C8B: variants seen among roughly 807,000 people sequenced by gnomAD.
C8B encodes complement component C8 beta chain.
A neutral mutation model predicts 64.6 loss-of-function variants in C8B; 67 were observed. That is an observed-to-expected ratio of 1.04 (90% CI 0.85 to 1.27). The LOEUF is 1.27. C8B is among the 50% of genes most tolerant of loss of function. The pLI, the probability that C8B is intolerant of heterozygous loss-of-function variation, is 0.00. For synonymous variants in C8B, 284 were observed against 257.7 expected (o/e 1.10, Z -0.98); for missense variants, 790 against 725.2 (o/e 1.09, Z -1.03).
At chr1:56,959,465 G>T in intron 2 of C8B, 3 of 989,786 alleles carry the variant, frequency 3.0e-6, no homozygotes, top group South Asian at 1.4e-5. Flanking sequence ...GGCAGCTCCT[G>T]AGTAGGAGTT....
chr1:56,937,011 C>A (rs1644785438), intron 9 of C8B, among the ~76,000 whole-genome samples: 1 of 152,172 alleles, frequency 6.6e-6, no homozygotes, highest in Non-Finnish European at 1.5e-5. Flanking sequence ...ACTCCCTGGA[C>A]CAGAGTAATT....
intron 11 of C8B, 28 bp downstream of exon 11, chr1:56,931,782 C>T (rs1461523908): frequency 1.3e-6 from 2 of 1,521,624 alleles, no homozygotes; most frequent in African/African-American, 1.4e-5. Context: ...TCTGGACCTC[C>T]CCAGAGTTCC....
chr1:56,948,831 T>C (rs1305918090), intron 6 of C8B, among the ~76,000 whole-genome samples: 1 of 152,186 alleles, frequency 6.6e-6, no homozygotes, highest in Non-Finnish European at 1.5e-5. Context: ...GAATTTCAGC[T>C]GGATGTCTGG....
chr1:56,949,443 G>A lies in C8B; in HGVS notation c.864+112C>T, dbSNP rs1644988295. On this transcript the variant is annotated intron_variant, in intron 6 of 11. Transcript: ENST00000371237. Reference sequence around the variant, plus strand: ...GACTTCCCAGCCTCCAGAACTGTGAGCCAAGTAAATGTCTTTTCTTTATAA... The same window carrying A: ...GACTTCCCAGCCTCCAGAACTGTGAACCAAGTAAATGTCTTTTCTTTATAA... The A allele has an allele frequency of 3.9e-6, 4 of 1,036,710 alleles. No homozygotes were observed. The African/African-American group carries it at 4.8e-5, about 12-fold the overall frequency. 64.2% of individuals were successfully genotyped at this position (1,036,710 alleles called of 1,614,324 possible). A position where few individuals can be genotyped will look rare whatever the true frequency, so the allele number is the denominator to read the frequency against.
At chr1:56,938,453 T>C (rs781430240) in intron 9 of C8B, among the ~76,000 whole-genome samples, 8 of 152,254 alleles carry the variant, frequency 5.3e-5, no homozygotes. Context: ...CCTTGAATTG[T>C]ATGATAATCA....
At chr1:56,938,975 C>T (rs1026455023) in intron 9 of C8B, among the ~76,000 whole-genome samples, 4 of 152,212 alleles carry the variant, frequency 2.6e-5, no homozygotes, top group African/African-American at 4.8e-5. Context: ...GTGTGAAAGC[C>T]GTCAACACTC....
At position 56,956,844 on chromosome 1, in the gene C8B, C is replaced by G; in HGVS notation, c.316G>C (p.Glu106Gln). 6.2e-7 allele frequency: 1 copy of G among 1,614,100 alleles called. No homozygotes were observed. The highest frequency in any genetic ancestry group is 8.5e-7 in the Non-Finnish European group (1 of 1,179,992). ...CTGTTGGTAACACAGTCTTCGACTT[C>G]CTTGTCAGAGAAGTTGCACGGTTCC... ...HGEPCNFSDK[E>Q]VEDCVTNRPC... Residue 106 changes from glutamate to glutamine, a missense_variant, in exon 3 of 12, where the codon GAA becomes CAA. Coordinates refer to ENST00000371237, the MANE Select transcript of C8B (RefSeq NM_000066.4).
chr1:56,942,953 G>A (rs906174081), intron 8 of C8B, among the ~76,000 whole-genome samples: 33 of 151,360 alleles, frequency 2.2e-4, no homozygotes, highest in African/African-American at 6.3e-4. Flanking sequence ...ATAATTAGCC[G>A]AGCATGGTGG....
At chr1:56,933,950 G>A (rs559568834) in intron 9 of C8B, among the ~76,000 whole-genome samples, 118 of 152,170 alleles carry the variant, frequency 7.8e-4, no homozygotes, top group African/African-American at 2.6e-3. Context: ...TAGGGGTACT[G>A]TCCCAACATC....
At chr1:56,953,524 G>A (rs1390017079) in intron 4 of C8B, among the ~76,000 whole-genome samples, 2 of 152,112 alleles carry the variant, frequency 1.3e-5, no homozygotes, top group East Asian at 1.9e-4. Context: ...CTCCCTGCCG[G>A]GAACAATGGG....
At chr1:56,943,496 T>C (rs1644895023) in intron 8 of C8B, among the ~76,000 whole-genome samples, 200 bp downstream of exon 8, 1 of 152,206 alleles carries the variant, frequency 6.6e-6, no homozygotes, top group South Asian at 2.1e-4. Flanking sequence ...TCCATTCATA[T>C]AAAGTTCAAA....
chr1:56,946,035 A>C lies in C8B; in HGVS notation c.891T>G (p.Ser297=), dbSNP rs1366679263. 1 of 1,614,172 alleles carries C rather than the reference A, an allele frequency of 6.2e-7. No homozygotes were observed. Among genetic ancestry groups the C allele is most frequent in the Non-Finnish European group, 8.5e-7 (1 of 1,180,010 alleles). ...HTKSVFLHAR[S]DLEVAHYKLK... ...GCTTGTAATGTGCTACTTCAAGGTC[A>C]GAGCGTGCATGCAGAAATACGCTTT... is the stretch of plus-strand genomic sequence containing the variant. Residue 297 remains serine (S), a synonymous_variant, in exon 7 of 12, where the codon TCT becomes TCG. Coordinates refer to ENST00000371237, the MANE Select transcript of C8B (RefSeq NM_000066.4).
chr1:56,960,182 AG>A lies in C8B; in HGVS notation c.93-7del. On this transcript the variant is annotated splice_region_variant and splice_polypyrimidine_tract_variant and intron_variant, in intron 1 of 11. Transcript: ENST00000371237. Reference sequence around the variant, plus strand: ...AGGAATGTGGCCTTTCACCTCTAAAAGTCATTATGAGAGAAGAGAGTCACGT... The same window carrying A: ...AGGAATGTGGCCTTTCACCTCTAAAATCATTATGAGAGAAGAGAGTCACGT... 1 of 1,613,994 alleles carries A rather than the reference AG, an allele frequency of 6.2e-7. No individual in the cohort carries two copies. The highest frequency in any genetic ancestry group is 8.5e-7 in the Non-Finnish European group (1 of 1,179,904).
chr1:56,932,969 A>G (rs1404607980), intron 10 of C8B, among the ~76,000 whole-genome samples: 2 of 152,166 alleles, frequency 1.3e-5, no homozygotes, highest in African/African-American at 4.8e-5. Context: ...CTTGAGTTTA[A>G]CAATCAAGTT....
intron 9 of C8B, among the ~76,000 whole-genome samples, chr1:56,934,057 C>T (rs1484159428): frequency 1.3e-5 from 2 of 152,158 alleles, no homozygotes; most frequent in Non-Finnish European, 2.9e-5. Flanking sequence ...AACTTCCCTC[C>T]ATTAATCACT....
chr1:56,959,996 G>A, intron 2 of C8B, 24 bp downstream of exon 2: 2 of 1,613,772 alleles, frequency 1.2e-6, no homozygotes, highest in Middle Eastern at 1.7e-4. Flanking sequence ...GAAGCTTAGA[G>A]CTGTCCCAGG....
At chr1:56,944,548 T>G (rs1354554651) in intron 7 of C8B, among the ~76,000 whole-genome samples, 2 of 152,220 alleles carry the variant, frequency 1.3e-5, no homozygotes, top group East Asian at 3.8e-4. Context: ...GCAGATGTTA[T>G]GAGAAAAGGA....
chr1:56,943,642 G>A (rs1644897263), intron 8 of C8B, 54 bp downstream of exon 8: 1 of 1,605,188 alleles, frequency 6.2e-7, no homozygotes, highest in African/African-American at 1.3e-5. Context: ...ATCACCAGAG[G>A]CACTAGGAGG....
chr1:56,955,047 A>G (rs1185527135), intron 3 of C8B, among the ~76,000 whole-genome samples: 3 of 152,148 alleles, frequency 2.0e-5, no homozygotes, highest in African/African-American at 7.2e-5. Context: ...TATTCCAGAA[A>G]GCAGCAGGAC....
Sources: gnomAD v4.1 joint callset for allele counts (sites outside exome capture counted in the v4.1 genomes callset) on GRCh38, gnomAD v4.1.1 for gene constraint, MANE v1.5 for transcripts, NCBI Gene and HGNC (gene_info 2026-07-23, HGNC 2026-07-21) for gene names.